Variants in TMTC1 observed in about 807,000 individuals in gnomAD.
TMTC1 encodes the protein protein O-mannosyl-transferase TMTC1.
Under a neutral mutation model 104.8 loss-of-function variants are expected in TMTC1, and 73 were observed. The ratio of observed to expected loss-of-function variants is 0.70; its 90% CI spans 0.58 to 0.85. TMTC1 has a LOEUF of 0.85. Ranked by LOEUF, TMTC1 falls within the 40% of genes least tolerant of loss-of-function variation. The pLI is 0.00. For missense variants in TMTC1, 1,035 were observed against 1,096.1 expected (o/e 0.94, Z 0.79); for synonymous variants, 434 against 428.7 (o/e 1.01, Z -0.15).
chr12:29,693,697 C>T (rs1280096453), intron 5 of TMTC1, among the ~76,000 whole-genome samples: 1 of 152,150 alleles, frequency 6.6e-6, no homozygotes, highest in African/African-American at 2.4e-5. Flanking sequence ...AAATAAAGCA[C>T]TCTACTAGTA....
intron 5 of TMTC1, among the ~76,000 whole-genome samples, chr12:29,662,160 T>C (rs1038930530): frequency 2.6e-5 from 4 of 152,216 alleles, no homozygotes; most frequent in Non-Finnish European, 5.9e-5. Flanking sequence ...TCATCCTTAT[T>C]TCCTCTATCC....
At chr12:29,552,007 G>T (rs1565665248) in intron 10 of TMTC1, among the ~76,000 whole-genome samples, 1 of 152,100 alleles carries the variant, frequency 6.6e-6, no homozygotes, top group Non-Finnish European at 1.5e-5. Context: ...CTATGAATGG[G>T]TCTGAAGCCG....
At chr12:29,627,136 T>C (rs1342997782) in intron 6 of TMTC1, among the ~76,000 whole-genome samples, 1 of 152,106 alleles carries the variant, frequency 6.6e-6, no homozygotes, top group Non-Finnish European at 1.5e-5. Flanking sequence ...AAAACTTTTG[T>C]GCATCAAAGG....
At chr12:29,580,898 A>G (rs1945961547) in intron 8 of TMTC1, among the ~76,000 whole-genome samples, 2 of 152,116 alleles carry the variant, frequency 1.3e-5, no homozygotes, top group African/African-American at 2.4e-5. Flanking sequence ...CTCTATGCAC[A>G]TTCTCTCTCT....
chr12:29,668,595 G>T (rs572279701), intron 5 of TMTC1, among the ~76,000 whole-genome samples: 16 of 151,236 alleles, frequency 1.1e-4, no homozygotes, highest in African/African-American at 3.9e-4. Flanking sequence ...CTAGTAGCTG[G>T]GATTACAGGC....
At chr12:29,614,918 C>T (rs1490647347) in intron 6 of TMTC1, among the ~76,000 whole-genome samples, 1 of 152,140 alleles carries the variant, frequency 6.6e-6, no homozygotes, top group African/African-American at 2.4e-5. Flanking sequence ...ATTGTGAGGA[C>T]CAAAATCTGT....
intron 6 of TMTC1, chr12:29,609,782 A>G (rs929269299): frequency 2.0e-4 from 31 of 152,316 alleles, no homozygotes; most frequent in Admixed American, 1.2e-3. Flanking sequence ...CTCTGCACAA[A>G]TGTGCCTTTG....
At chr12:29,691,455 T>C (rs1435041699) in intron 5 of TMTC1, among the ~76,000 whole-genome samples, 2 of 146,898 alleles carry the variant, frequency 1.4e-5, no homozygotes, top group African/African-American at 5.0e-5. Flanking sequence ...ATAAAACTGG[T>C]TTCCCACACA....
chr12:29,512,480 C>G (rs1008468710), intron 16 of TMTC1, among the ~76,000 whole-genome samples: 1 of 152,092 alleles, frequency 6.6e-6, no homozygotes, highest in African/African-American at 2.4e-5. Flanking sequence ...TAAGAAAATT[C>G]TTTTTATAAT....
chr12:29,556,819 C>G (rs368956072), intron 10 of TMTC1, 38 bp downstream of exon 10: 1 of 1,611,678 alleles, frequency 6.2e-7, no homozygotes, highest in Admixed American at 1.7e-5. Context: ...TTCTTGGAAT[C>G]GCAAGGCCAC....
chr12:29,577,120 A>G (rs1592260239), intron 8 of TMTC1, among the ~76,000 whole-genome samples: 1 of 152,172 alleles, frequency 6.6e-6, no homozygotes, highest in Non-Finnish European at 1.5e-5. Context: ...TGAAGGTTGT[A>G]TGTTTTTAAA....
chr12:29,660,334 G>A (rs902705542), intron 5 of TMTC1, among the ~76,000 whole-genome samples: 1 of 152,206 alleles, frequency 6.6e-6, no homozygotes, highest in African/African-American at 2.4e-5. Context: ...TCAGACGATA[G>A]CTGAATAAAC....
intron 10 of TMTC1, among the ~76,000 whole-genome samples, chr12:29,549,626 G>C (rs995099332): frequency 2.0e-5 from 3 of 152,082 alleles, no homozygotes; most frequent in Non-Finnish European, 4.4e-5. Context: ...TTCTATGGGA[G>C]AGCAAAGCAA....
At chr12:29,773,418 G>T (rs1943638102) in intron 1 of TMTC1, among the ~76,000 whole-genome samples, 1 of 38,930 alleles carries the variant, frequency 2.6e-5, no homozygotes, top group South Asian at 1.1e-3. Flanking sequence ...CTCTGATTTA[G>T]GAAAAACAAA....
At chr12:29,662,171 C>T (rs923239731) in intron 5 of TMTC1, among the ~76,000 whole-genome samples, 1 of 152,180 alleles carries the variant, frequency 6.6e-6, no homozygotes, top group Non-Finnish European at 1.5e-5. Flanking sequence ...TCCTCTATCC[C>T]TTTTCATTGT....
At chr12:29,777,281 G>A (rs865779005) in intron 1 of TMTC1, among the ~76,000 whole-genome samples, 1 of 151,988 alleles carries the variant, frequency 6.6e-6, no homozygotes, top group Non-Finnish European at 1.5e-5. Flanking sequence ...TTTTAGTAGA[G>A]ATGGGGTTTC....
intron 5 of TMTC1, among the ~76,000 whole-genome samples, chr12:29,699,317 T>C (rs1941513546): frequency 6.6e-6 from 1 of 152,222 alleles, no homozygotes; most frequent in African/African-American, 2.4e-5. Flanking sequence ...GAATTTCATA[T>C]CTAATTTTAA....
chr12:29,707,376 T>C (rs1941775289), intron 5 of TMTC1, among the ~76,000 whole-genome samples: 1 of 152,150 alleles, frequency 6.6e-6, no homozygotes, highest in Admixed American at 6.5e-5. Flanking sequence ...CAAGCTGTCT[T>C]TACTCCTGCT....
chr12:29,664,430 G>T (rs1940194069), intron 5 of TMTC1, among the ~76,000 whole-genome samples: 1 of 152,038 alleles, frequency 6.6e-6, no homozygotes, highest in African/African-American at 2.4e-5. Context: ...CCTAAGCTCA[G>T]ACAGGAGCAC....
Sources: allele counts gnomAD v4.1 joint callset (sites outside exome capture counted in the v4.1 genomes callset), GRCh38; gene constraint gnomAD v4.1.1; transcripts MANE v1.5; gene names NCBI Gene and HGNC (gene_info 2026-07-23, HGNC 2026-07-21).